SNRPC: variants seen among roughly 807,000 people sequenced by gnomAD.
SNRPC encodes the protein small nuclear ribonucleoprotein polypeptide C, also known as U1 small nuclear ribonucleoprotein C.
A neutral mutation model predicts 20.0 loss-of-function variants in SNRPC; 5 were observed. That is an observed-to-expected ratio of 0.25 (90% CI 0.13 to 0.53). The LOEUF (loss-of-function observed/expected upper bound fraction) is 0.53, where lower values mean the gene tolerates loss of function less well. Ranked by LOEUF, SNRPC falls within the 20% of genes least tolerant of loss-of-function variation. SNRPC has a pLI of 0.96. For missense variants in SNRPC, 112 were observed against 224.1 expected, an observed-to-expected ratio of 0.50 and a Z score of 3.19; for synonymous variants, 61 against 58.7, an observed-to-expected ratio of 1.04 and a Z score of -0.18.
At chr6:34,764,257 A>G (rs1165356783) in intron 3 of SNRPC, among the ~76,000 whole-genome samples, 1 of 151,538 alleles carries the variant, frequency 6.6e-6, no homozygotes, top group Non-Finnish European at 1.5e-5. Context: ...AGGCGGGTGG[A>G]TCACCTGAAG....
chr6:34,766,998 CTTG>C (rs761603723), intron 3 of SNRPC, among the ~76,000 whole-genome samples: 9 of 151,934 alleles, frequency 5.9e-5, no homozygotes, highest in Non-Finnish European at 1.2e-4. Flanking sequence ...TTCAGTTTCT[CTTG>C]TTTTCTCTTG....
intron 5 of SNRPC, among the ~76,000 whole-genome samples, chr6:34,771,867 CT>C (rs1359313576): frequency 1.3e-5 from 2 of 152,158 alleles, no homozygotes; most frequent in Admixed American, 6.6e-5. Context: ...CTTTAGCATC[CT>C]TAAACCAGGC....
chr6:34,768,065 CTCACCGTTGGCTT>C, intron 4 of SNRPC, 68 bp downstream of exon 4: 1 of 1,429,682 alleles, frequency 7.0e-7, no homozygotes. Context: ...GTTAGATTAT[CTCACCGTTGGCTT>C]TCAAATGCTG....
At chr6:34,766,635 T>TA (rs1764617641) in intron 3 of SNRPC, among the ~76,000 whole-genome samples, 6 of 152,234 alleles carry the variant, frequency 3.9e-5, no homozygotes, top group Admixed American at 3.9e-4. Flanking sequence ...AGCCTGCTAC[T>TA]AAGTCAGTGA....
intron 1 of SNRPC, 102 bp downstream of exon 1, chr6:34,757,653 G>T: frequency 7.1e-7 from 1 of 1,404,248 alleles, no homozygotes; most frequent in Non-Finnish European, 1.0e-6. Context: ...CGAGGGATGG[G>T]AGAGTATCTG....
At chr6:34,762,763 C>A in intron 3 of SNRPC, 60 bp downstream of exon 3, 1 of 879,658 alleles carries the variant, frequency 1.1e-6, no homozygotes, top group Non-Finnish European at 1.9e-6. Context: ...TTATCCCTGT[C>A]TCTGGTGTTT....
At chr6:34,769,177 A>AAG (rs1561791699) in intron 4 of SNRPC, among the ~76,000 whole-genome samples, 3 of 151,432 alleles carry the variant, frequency 2.0e-5, no homozygotes, top group Admixed American at 6.6e-5. Flanking sequence ...TTGATAGCGG[A>AAG]ATAGTCTATG....
chr6:34,769,320 C>T (rs759078544), intron 4 of SNRPC, among the ~76,000 whole-genome samples: 12 of 150,512 alleles, frequency 8.0e-5, no homozygotes, highest in Non-Finnish European at 1.2e-4. Flanking sequence ...ACCTCCGCCT[C>T]CTGGGTTCCC....
At position 34,769,992 on chromosome 6, in the gene SNRPC, G is replaced by A. The variant is rs140585418; in HGVS notation, c.251-299G>A. On this transcript the variant is annotated intron_variant, in intron 4 of 5. Coordinates refer to ENST00000244520, the MANE Select transcript of SNRPC (RefSeq NM_003093.3). The stretch of plus-strand genomic sequence containing the variant: ...AATCCTAGCACTTTGGGAGGTCGAC[G>A]TGGGCAGATCACCTGAGGTTGGGAG... Among the ~76,000 whole-genome samples the A allele has an allele frequency of 1.7e-4, 26 of 152,316 alleles. No homozygotes were observed. The East Asian group carries it at 4.4e-3, about 26-fold the overall frequency.
At chr6:34,767,003 TTTCTC>T (rs1764621954) in intron 3 of SNRPC, among the ~76,000 whole-genome samples, 1 of 152,182 alleles carries the variant, frequency 6.6e-6, no homozygotes, top group Non-Finnish European at 1.5e-5. Flanking sequence ...TTTCTCTTGT[TTTCTC>T]TTGTGCTTCA....
rs769555095 is a variant in SNRPC, at chr6:34,765,435, A to AT, written c.161-2470dup. ...ATCTTATATATTTATTTATTTATTT[A>AT]TTTATTTTATTTATTTATTGAGATT... On this transcript the variant is annotated intron_variant, in intron 3 of 5. Transcript: ENST00000244520. 4.3e-3 allele frequency among the ~76,000 whole-genome samples: 644 copies of AT among 151,086 alleles called. 2 individuals carry two copies. The highest frequency in any genetic ancestry group is 0.014 in the African/African-American group (583 of 41,198).
At chr6:34,771,044 C>A (rs150611841) in intron 5 of SNRPC, among the ~76,000 whole-genome samples, 1 of 152,058 alleles carries the variant, frequency 6.6e-6, no homozygotes, top group South Asian at 2.1e-4. Flanking sequence ...GAGAGTGTGT[C>A]TAGGCCAGGC....
chr6:34,767,022 G>GAA (rs3839363), intron 3 of SNRPC, among the ~76,000 whole-genome samples: 3 of 151,194 alleles, frequency 2.0e-5, no homozygotes, highest in African/African-American at 7.3e-5. Context: ...TGCTTCATCT[G>GAA]AAAAAAAAAT....
At chr6:34,766,971 A>G (rs1366607697) in intron 3 of SNRPC, among the ~76,000 whole-genome samples, 2 of 152,144 alleles carry the variant, frequency 1.3e-5, no homozygotes, top group African/African-American at 4.8e-5. Context: ...CTTTTCTAAC[A>G]CTAAATATAG....
Position 34,767,899 on chromosome 6 carries a change from C to CTCAT in SNRPC, c.161-9_161-8insTCAT, listed in dbSNP as rs1554122413. On this transcript the variant is annotated splice_polypyrimidine_tract_variant and intron_variant, in intron 3 of 5. Coordinates refer to ENST00000244520, the MANE Select transcript of SNRPC (RefSeq NM_003093.3). ...TCTTTTTTTTTTTTTTTTTCCTCAC[C>CTCAT]CTCCAAAGCGGCTGCATTTCAACAA... 6 of 1,508,684 alleles carry CTCAT rather than the reference C, an allele frequency of 4.0e-6. No homozygotes were observed. Among genetic ancestry groups the CTCAT allele is most frequent in the Non-Finnish European group, 4.4e-6 (5 of 1,133,876 alleles). The allele number at this position is 1,508,684 out of a possible 1,614,324, so 93.5% of individuals were successfully genotyped here. A position where few individuals can be genotyped will look rare whatever the true frequency, so the allele number is the denominator to read the frequency against.
chr6:34,768,079 T>G, intron 4 of SNRPC, 82 bp downstream of exon 4: 3 of 1,214,228 alleles, frequency 2.5e-6, no homozygotes. Flanking sequence ...CCGTTGGCTT[T>G]CAAATGCTGT....
Position 34,770,280 on chromosome 6 carries a change from C to CT in SNRPC, c.251-8dup. The CT allele has an allele frequency of 1.3e-6, 2 of 1,579,300 alleles. No individual in the cohort carries two copies. The highest frequency in any genetic ancestry group is 1.7e-6 in the Non-Finnish European group (2 of 1,148,430). On this transcript the variant is annotated splice_polypyrimidine_tract_variant and intron_variant, in intron 4 of 5. Transcript: ENST00000244520. Reference sequence around the variant, plus strand: ...GCACACCTTAACCACAGGCTCCATTCTTTATTTCAGCGGGTCCTCCTCGCC... The same window carrying CT: ...GCACACCTTAACCACAGGCTCCATTCTTTTATTTCAGCGGGTCCTCCTCGCC...
intron 3 of SNRPC, among the ~76,000 whole-genome samples, chr6:34,764,345 G>A (rs971375246): frequency 6.6e-6 from 1 of 151,916 alleles, no homozygotes. Flanking sequence ...GCGTGGTGGT[G>A]CATGCCTGTA....
chr6:34,769,229 CTTTTTTTTTT>C (rs11408407), intron 4 of SNRPC, among the ~76,000 whole-genome samples: 10 of 129,104 alleles, frequency 7.7e-5, no homozygotes, highest in African/African-American at 3.0e-4. Flanking sequence ...TTCTTTCTTT[CTTTTTTTTTT>C]TTTTTTTTGA....
Sources: allele counts gnomAD v4.1 joint callset (sites outside exome capture counted in the v4.1 genomes callset), GRCh38; gene constraint gnomAD v4.1.1; transcripts MANE v1.5; gene names NCBI Gene and HGNC (gene_info 2026-07-23, HGNC 2026-07-21).